IQCJ: variants seen among roughly 807,000 people sequenced by gnomAD.
IQCJ encodes the protein IQ motif containing J, also known as IQ domain-containing protein J.
IQCJ carries 9 observed loss-of-function variants against 11.0 expected under a neutral mutation model. That is an observed-to-expected ratio of 0.82 (90% CI 0.49 to 1.43). IQCJ has a LOEUF of 1.43. IQCJ is among the 40% of genes most tolerant of loss of function. IQCJ has a pLI of 0.00. For missense variants in IQCJ, 146 were observed against 133.2 expected (o/e 1.10, Z -0.47); for synonymous variants, 55 against 51.3 (o/e 1.07, Z -0.31).
intron 1 of IQCJ, among the ~76,000 whole-genome samples, chr3:159,159,353 G>A (rs1019474006): frequency 1.3e-5 from 2 of 152,064 alleles, no homozygotes; most frequent in Admixed American, 6.6e-5. Flanking sequence ...TATATCAAAG[G>A]TGTGTTTGTA....
intron 1 of IQCJ, among the ~76,000 whole-genome samples, chr3:159,164,429 C>G (rs1027044201): frequency 6.6e-6 from 1 of 152,164 alleles, no homozygotes; most frequent in African/African-American, 2.4e-5. Context: ...TTACTAAACT[C>G]TCAGTCAAGC....
At chr3:159,089,345 C>T (rs1252709003) in intron 1 of IQCJ, among the ~76,000 whole-genome samples, 4 of 152,044 alleles carry the variant, frequency 2.6e-5, no homozygotes, top group Admixed American at 1.3e-4. Flanking sequence ...TTCTGGCTGC[C>T]CTTAACATTT....
At position 159,103,093 on chromosome 3, in the gene IQCJ, A is replaced by G. The variant is rs185071363; in HGVS notation, c.9+33652A>G. On this transcript the variant is annotated intron_variant, in intron 1 of 3. Coordinates refer to ENST00000397832, the MANE Select transcript of IQCJ (RefSeq NM_001042706.3). ...TTCTACATAGGTCTGTCTATTGTGA[A>G]TTAATGGTATATTTCAGTTATGTCT... 1.4e-4 allele frequency among the ~76,000 whole-genome samples: 22 copies of G among 152,314 alleles called. No individual in the cohort carries two copies. The East Asian group carries it at 4.3e-3, about 29-fold the overall frequency.
At chr3:159,116,632 A>ATATATATATATATATATATATG (rs1719025302) in intron 1 of IQCJ, among the ~76,000 whole-genome samples, 1 of 38,668 alleles carries the variant, frequency 2.6e-5, no homozygotes, top group African/African-American at 1.3e-4. Flanking sequence ...ATATATATAT[A>ATATATATATATATATATATATG]TATATATATA....
At chr3:159,251,142 C>T (rs1727575512) in intron 2 of IQCJ, among the ~76,000 whole-genome samples, 1 of 152,118 alleles carries the variant, frequency 6.6e-6, no homozygotes, top group South Asian at 2.1e-4. Flanking sequence ...GGTGCTGACA[C>T]CACCTACTTG....
At chr3:159,232,110 A>AT (rs929051435) in intron 1 of IQCJ, among the ~76,000 whole-genome samples, 2 of 151,650 alleles carry the variant, frequency 1.3e-5, no homozygotes, top group African/African-American at 4.8e-5. Context: ...TTTTTGAAGG[A>AT]TTTTTTTGTG....
intron 1 of IQCJ, among the ~76,000 whole-genome samples, chr3:159,138,991 G>A (rs2108176054): frequency 6.6e-6 from 1 of 152,274 alleles, no homozygotes; most frequent in South Asian, 2.1e-4. Context: ...CACTCAGCCT[G>A]AAATTGAACA....
intron 1 of IQCJ, among the ~76,000 whole-genome samples, chr3:159,244,508 C>A (rs970454979): frequency 2.6e-5 from 4 of 152,262 alleles, no homozygotes; most frequent in Middle Eastern, 3.4e-3. Flanking sequence ...ATATACTAGA[C>A]CTCTTTTCTG....
Position 159,262,765 on chromosome 3 carries a change from G to A in IQCJ, c.*34G>A. Reference sequence around the variant, plus strand: ...ACTTTGGTTCTAAGAGAGAAATCTTGGGATGTGAGCAGGTGGTTTGTGACA... The same window carrying A: ...ACTTTGGTTCTAAGAGAGAAATCTTAGGATGTGAGCAGGTGGTTTGTGACA... On this transcript the variant is annotated 3_prime_UTR_variant, in exon 4 of 4. Coordinates refer to ENST00000397832, the MANE Select transcript of IQCJ (RefSeq NM_001042706.3). The A allele has an allele frequency of 6.3e-7, 1 of 1,599,488 alleles. No individual in the cohort carries two copies. Among genetic ancestry groups the A allele is most frequent in the Non-Finnish European group, 8.5e-7 (1 of 1,170,120 alleles).
chr3:159,084,249 TA>T (rs3029980), intron 1 of IQCJ, among the ~76,000 whole-genome samples: 29,044 of 149,648 alleles, frequency 0.19, 3,465 homozygotes, highest in South Asian at 0.35. Flanking sequence ...TAAAAATAAG[TA>T]AAAAAAAAAA....
At chr3:159,181,737 G>A (rs892386458) in intron 1 of IQCJ, among the ~76,000 whole-genome samples, 26 of 151,650 alleles carry the variant, frequency 1.7e-4, no homozygotes, top group Non-Finnish European at 1.6e-4. Context: ...ACCAAGTTGT[G>A]TTGACTTTCT....
At chr3:159,174,667 A>G in intron 1 of IQCJ, among the ~76,000 whole-genome samples, 1 of 152,184 alleles carries the variant, frequency 6.6e-6, no homozygotes, top group East Asian at 1.9e-4. Flanking sequence ...TCTTTATCCT[A>G]AAGTTGGGGA....
intron 1 of IQCJ, among the ~76,000 whole-genome samples, chr3:159,209,757 C>T (rs954681810): frequency 2.0e-5 from 3 of 152,136 alleles, no homozygotes; most frequent in African/African-American, 7.2e-5. Flanking sequence ...GCAAAACAAG[C>T]CACCTCTGTT....
intron 1 of IQCJ, among the ~76,000 whole-genome samples, chr3:159,076,823 G>A (rs1364803650): frequency 1.3e-5 from 2 of 152,104 alleles, no homozygotes; most frequent in Non-Finnish European, 2.9e-5. Context: ...TCAAATCTGA[G>A]CATTATCATT....
intron 1 of IQCJ, among the ~76,000 whole-genome samples, chr3:159,089,927 G>A (rs372039147): frequency 1.3e-5 from 2 of 151,924 alleles, no homozygotes; most frequent in Non-Finnish European, 2.9e-5. Context: ...GCTCGTCAAA[G>A]TTATTCTCCA....
In IQCJ at chr3:159,262,606, C is replaced by A. The variant is rs770818723; in HGVS notation, c.214C>A (p.Pro72Thr). Residue 72 changes from proline to threonine, a missense_variant, in exon 4 of 4, where the codon CCG becomes ACG. Pro to Thr is a conservative substitution (Grantham distance 38). Coordinates refer to ENST00000397832, the MANE Select transcript of IQCJ (RefSeq NM_001042706.3). Reference sequence around the variant, plus strand: ...GCAGGAGCCCCTGGGGAAGAGGAGCCCGTCCCCACCCTCTGTCTCCTCAGA... The same window carrying A: ...GCAGGAGCCCCTGGGGAAGAGGAGCACGTCCCCACCCTCTGTCTCCTCAGA... ...QRQEPLGKRS[P>T]SPPSVSSEKL... is the part of the protein sequence containing the mutation. 1 of 1,613,954 alleles carries A rather than the reference C, an allele frequency of 6.2e-7. No homozygotes were observed. Among genetic ancestry groups the A allele is most frequent in the Non-Finnish European group, 8.5e-7 (1 of 1,179,864 alleles).
At chr3:159,253,776 G>A (rs1248472035) in intron 3 of IQCJ, among the ~76,000 whole-genome samples, 3 of 152,142 alleles carry the variant, frequency 2.0e-5, no homozygotes, top group African/African-American at 7.2e-5. Flanking sequence ...CCTAAAGAAG[G>A]GCACCTTGAG....
intron 2 of IQCJ, among the ~76,000 whole-genome samples, chr3:159,251,335 C>CACACTGTAGATCA (rs1727586442): frequency 6.6e-6 from 1 of 151,856 alleles, no homozygotes; most frequent in East Asian, 1.9e-4. Flanking sequence ...GAATAGCTTT[C>CACACTGTAGATCA]TAACTAGTTT....
At chr3:159,265,384 G>T, downstream of IQCJ, 1 of 1,613,224 alleles carries the variant, frequency 6.2e-7, no homozygotes, top group Non-Finnish European at 8.5e-7. Flanking sequence ...GAAAGACTTG[G>T]TTTTCTCACC....
Sources: allele counts gnomAD v4.1 joint callset (sites outside exome capture counted in the v4.1 genomes callset), GRCh38; gene constraint gnomAD v4.1.1; transcripts MANE v1.5; gene names NCBI Gene and HGNC (gene_info 2026-07-23, HGNC 2026-07-21).